The following LACTB2 variants were observed in gnomAD, a reference collection of about 807,000 sequenced individuals.
LACTB2 encodes the protein endoribonuclease LACTB2.
A neutral mutation model predicts 34.8 loss-of-function variants in LACTB2; 32 were observed. The observed-to-expected ratio is 0.92, with a 90% CI of 0.69 to 1.24. LACTB2 has a LOEUF of 1.24. LACTB2 is among the 50% of genes most tolerant of loss of function. The probability of loss-of-function intolerance (pLI) is 0.00; values close to 1 mark genes in which losing one functional copy is unlikely to be tolerated. For synonymous variants in LACTB2, 120 were observed against 117.5 expected, an observed-to-expected ratio of 1.02 and a Z score of -0.14; for missense variants, 320 against 345.0, an observed-to-expected ratio of 0.93 and a Z score of 0.57.
chr8:70,647,200 A>C (rs762153334), intron 3 of LACTB2, among the ~76,000 whole-genome samples: 20 of 152,016 alleles, frequency 1.3e-4, no homozygotes, highest in Non-Finnish European at 2.5e-4. Flanking sequence ...TATTCTAGTC[A>C]GTATTGAGTT....
rs781491087 is a variant in LACTB2 at position 70,644,035 on chromosome 8, A to C, written c.592+30T>G. 1.4e-5 allele frequency: 21 copies of C among 1,469,652 alleles called. No individual in the cohort carries two copies. In the South Asian group the frequency reaches 3.2e-4, roughly 23 times the overall value. The allele number at this position is 1,469,652 out of a possible 1,614,324, so 91.0% of individuals were successfully genotyped here. A position where few individuals can be genotyped will look rare whatever the true frequency, so the allele number is the denominator to read the frequency against. ...GACCTTGTCTCTATTTAAAAACATA[A>C]AAATATAAAAAAATTTAAAAATTAC... On this transcript the variant is annotated intron_variant, in intron 4 of 6. Transcript: ENST00000276590.
chr8:70,644,899 G>C (rs1308608309), intron 3 of LACTB2, among the ~76,000 whole-genome samples: 1 of 152,066 alleles, frequency 6.6e-6, no homozygotes, highest in Non-Finnish European at 1.5e-5. Context: ...CTCAGAGGGA[G>C]AGCTTTTATT....
In LACTB2 at chr8:70,637,682, T is replaced by G. The variant is rs1818140331; in HGVS notation, c.*178A>C. On this transcript the variant is annotated 3_prime_UTR_variant, in exon 7 of 7. Transcript: ENST00000276590. ...AAGACAAGGTTAGAGAAATAACCTA[T>G]CATATGGTTGTATAGTGTAATTTAC... is the stretch of plus-strand genomic sequence containing the variant. The G allele has an allele frequency of 5.3e-6, 2 of 376,246 alleles. No homozygotes were observed. Among genetic ancestry groups the G allele is most frequent in the Admixed American group, 4.6e-5 (1 of 21,792 alleles). 23.3% of individuals were successfully genotyped at this position (376,246 alleles called of 1,614,324 possible).
Position 70,642,386 on chromosome 8 carries a change from T to C in LACTB2, c.593-1336A>G, listed in dbSNP as rs75432428. Among the ~76,000 whole-genome samples, 353 of 152,290 alleles carry C rather than the reference T, an allele frequency of 2.3e-3. 1 individual carries two copies. Among genetic ancestry groups the C allele is most frequent in the Non-Finnish European group, 3.4e-3 (234 of 68,034 alleles). Reference sequence around the variant, plus strand: ...CAGAGTGTAAATGTGTTGAAGATACTGGATGGACGGATCTTTCAATGGCTT... The same window carrying C: ...CAGAGTGTAAATGTGTTGAAGATACCGGATGGACGGATCTTTCAATGGCTT... On this transcript the variant is annotated intron_variant, in intron 4 of 6. Coordinates refer to ENST00000276590, the MANE Select transcript of LACTB2 (RefSeq NM_016027.3).
chr8:70,650,696 A>G (rs190573), intron 3 of LACTB2, among the ~76,000 whole-genome samples: 2 of 133,688 alleles, frequency 1.5e-5, no homozygotes, highest in Non-Finnish European at 3.1e-5. Context: ...ACATTGCGCC[A>G]CTGCACTCCA....
At chr8:70,668,973 TG>T in intron 1 of LACTB2, 25 bp downstream of exon 1, 1 of 1,565,182 alleles carries the variant, frequency 6.4e-7, no homozygotes, top group Non-Finnish European at 8.7e-7. Flanking sequence ...CTGCGAACGT[TG>T]GGGAGGTTGG....
At chr8:70,648,203 C>T (rs553636978) in intron 3 of LACTB2, among the ~76,000 whole-genome samples, 27 of 152,280 alleles carry the variant, frequency 1.8e-4, no homozygotes, top group African/African-American at 5.8e-4. Flanking sequence ...ATTCTCAGAG[C>T]TCCCAAACAG....
intron 6 of LACTB2, 54 bp from the exon 7 acceptor site, chr8:70,637,957 T>C (rs1448367931): frequency 2.0e-6 from 2 of 1,019,108 alleles, no homozygotes; most frequent in Non-Finnish European, 2.8e-6. Flanking sequence ...GTAAATGCAC[T>C]GAATTTTAAG....
chr8:70,666,895 T>A (rs922518314), intron 1 of LACTB2, among the ~76,000 whole-genome samples: 54 of 152,256 alleles, frequency 3.5e-4, no homozygotes, highest in African/African-American at 1.2e-3. Context: ...AACACTGAGT[T>A]CCAGGCAGCA....
At chr8:70,651,284 A>G (rs765920117) in intron 3 of LACTB2, among the ~76,000 whole-genome samples, 25 of 152,198 alleles carry the variant, frequency 1.6e-4, no homozygotes, top group Non-Finnish European at 3.7e-4. Flanking sequence ...TATTGCAAAC[A>G]ATTACTATAT....
chr8:70,656,630 G>C (rs776165194), intron 3 of LACTB2, among the ~76,000 whole-genome samples: 3 of 152,124 alleles, frequency 2.0e-5, no homozygotes, highest in Non-Finnish European at 4.4e-5. Flanking sequence ...CTCCAGATTT[G>C]TTCTTTTTGC....
At chr8:70,655,555 T>G (rs1015629492) in intron 3 of LACTB2, among the ~76,000 whole-genome samples, 18 of 152,154 alleles carry the variant, frequency 1.2e-4, no homozygotes, top group African/African-American at 4.1e-4. Flanking sequence ...CTGAGTAGTA[T>G]TCCATCATAT....
chr8:70,646,833 T>A (rs1355269604), intron 3 of LACTB2: 1 of 152,238 alleles, frequency 6.6e-6, no homozygotes, highest in Non-Finnish European at 1.5e-5. Context: ...TCTATATTCT[T>A]CTTCTACTTT....
intron 1 of LACTB2, chr8:70,662,101 G>C (rs1426152545): frequency 4.5e-6 from 2 of 446,822 alleles, no homozygotes; most frequent in Non-Finnish European, 7.9e-6. Flanking sequence ...CTAAATATAA[G>C]TCTGAACAAG....
chr8:70,640,770 G>A, intron 5 of LACTB2, 132 bp downstream of exon 5: 1 of 1,078,088 alleles, frequency 9.3e-7, no homozygotes, highest in South Asian at 2.4e-5. Context: ...GAAAGTTTAG[G>A]CTGCTGGTCT....
chr8:70,648,084 T>C (rs1818286022), intron 3 of LACTB2, among the ~76,000 whole-genome samples: 1 of 152,192 alleles, frequency 6.6e-6, no homozygotes, highest in Non-Finnish European at 1.5e-5. Context: ...TATTTTACCA[T>C]CTCAGGAAGA....
chr8:70,640,083 C>T (rs1032942685), intron 5 of LACTB2, among the ~76,000 whole-genome samples: 1 of 152,168 alleles, frequency 6.6e-6, no homozygotes, highest in Non-Finnish European at 1.5e-5. Context: ...ATCTCAACCA[C>T]CCGAGCAGCT....
chr8:70,637,652 G>T lies in LACTB2; in HGVS notation c.*208C>A. On this transcript the variant is annotated 3_prime_UTR_variant, in exon 7 of 7. Transcript: ENST00000276590. ...TTAGATTATGAATTTTTGGTAAAAC[G>T]TTAGAAGACAAGGTTAGAGAAATAA... 1 of 329,422 alleles carries T rather than the reference G, an allele frequency of 3.0e-6. No homozygotes were observed. Among genetic ancestry groups the T allele is most frequent in the East Asian group, 4.7e-5 (1 of 21,208 alleles). The allele number at this position is 329,422 out of a possible 1,614,324, so 20.4% of individuals were successfully genotyped here. A position where few individuals can be genotyped will look rare whatever the true frequency, so the allele number is the denominator to read the frequency against.
At chr8:70,665,681 TTGTATCAGGAATC>T (rs1263714602) in intron 1 of LACTB2, among the ~76,000 whole-genome samples, 1 of 152,190 alleles carries the variant, frequency 6.6e-6, no homozygotes, top group African/African-American at 2.4e-5. Context: ...CTTCATTGGG[TTGTATCAGGAATC>T]TGAAGCTTAG....
Sources: gnomAD v4.1 joint callset for allele counts (sites outside exome capture counted in the v4.1 genomes callset) on GRCh38, gnomAD v4.1.1 for gene constraint, MANE v1.5 for transcripts, NCBI Gene and HGNC (gene_info 2026-07-23, HGNC 2026-07-21) for gene names.